The following PTDSS1 variants were observed in gnomAD, a reference collection of about 807,000 sequenced individuals.
PTDSS1 encodes the protein phosphatidylserine synthase 1.
PTDSS1 carries 45 observed loss-of-function variants against 70.5 expected under a neutral mutation model. That is an observed-to-expected ratio of 0.64 (90% confidence interval 0.50 to 0.82). The LOEUF (loss-of-function observed/expected upper bound fraction) is 0.82. Among genes scored for constraint, PTDSS1 ranks in the 40% least tolerant of loss-of-function variants. The probability of loss-of-function intolerance (pLI) is 0.00; values close to 1 mark genes in which losing one functional copy is unlikely to be tolerated. For synonymous variants in PTDSS1, 188 were observed against 203.8 expected (o/e 0.92, Z 0.66); for missense variants, 417 against 586.1 (o/e 0.71, Z 2.98).
intron 9 of PTDSS1, among the ~76,000 whole-genome samples, chr8:96,312,770 A>C (rs1811230754): frequency 1.3e-5 from 2 of 152,114 alleles, no homozygotes; most frequent in Non-Finnish European, 2.9e-5. Flanking sequence ...TGCACAGTCC[A>C]CTGCCAGCCA....
Position 96,304,100 on chromosome 8 carries a change from C to T in PTDSS1, c.813C>T (p.Ser271=), listed in dbSNP as rs993611391. Residue 271 remains serine, a synonymous_variant, in exon 7 of 13, where the codon AGC becomes AGT. Transcript: ENST00000517309. ...CTGTTCTGCAGTTCACTCCTGCTAG[C>T]TGGACCTATGTTCGATGGTTTGACC... ...KRAVLQFTPA[S]WTYVRWFDPK... is the part of the protein sequence containing the mutation. The T allele has an allele frequency of 1.9e-6, 3 of 1,613,554 alleles. No homozygotes were observed.
intron 6 of PTDSS1, among the ~76,000 whole-genome samples, chr8:96,300,868 CT>C (rs1352566541): frequency 2.6e-5 from 4 of 151,658 alleles, no homozygotes; most frequent in Admixed American, 1.3e-4. Flanking sequence ...TGTGCATCGC[CT>C]TTTTTTTGGT....
At chr8:96,281,135 A>G (rs1257310614) in intron 2 of PTDSS1, among the ~76,000 whole-genome samples, 1 of 152,218 alleles carries the variant, frequency 6.6e-6, no homozygotes, top group Non-Finnish European at 1.5e-5. Context: ...AGTGAGCGTA[A>G]GTATCAGGAC....
intron 2 of PTDSS1, among the ~76,000 whole-genome samples, chr8:96,282,228 C>T (rs950835171): frequency 6.6e-6 from 1 of 152,120 alleles, no homozygotes; most frequent in African/African-American, 2.4e-5. Context: ...AGAGCTATCG[C>T]CTACCATGAG....
chr8:96,309,951 C>T (rs1484697710), intron 9 of PTDSS1, among the ~76,000 whole-genome samples: 2 of 151,712 alleles, frequency 1.3e-5, no homozygotes, highest in African/African-American at 2.4e-5. Flanking sequence ...TCACTTGAGC[C>T]CAGGAATTCG....
At chr8:96,275,456 A>T (rs2130014829) in intron 2 of PTDSS1, among the ~76,000 whole-genome samples, 1 of 152,316 alleles carries the variant, frequency 6.6e-6, no homozygotes, top group South Asian at 2.1e-4. Context: ...ATTTACTGAA[A>T]AAAATCCCTG....
intron 10 of PTDSS1, among the ~76,000 whole-genome samples, chr8:96,320,698 C>T (rs926963320): frequency 1.3e-5 from 2 of 152,022 alleles, no homozygotes; most frequent in Non-Finnish European, 2.9e-5. Flanking sequence ...ATCATCATGC[C>T]GCATACATCT....
chr8:96,330,360 T>G (rs954379110), intron 11 of PTDSS1, 79 bp downstream of exon 11: 10 of 1,359,680 alleles, frequency 7.4e-6, no homozygotes, highest in Non-Finnish European at 9.3e-6. Context: ...AGCACGTGCC[T>G]GTAAGGATAT....
At chr8:96,265,201 A>G (rs545482213) in intron 1 of PTDSS1, among the ~76,000 whole-genome samples, 2 of 152,344 alleles carry the variant, frequency 1.3e-5, no homozygotes, top group Non-Finnish European at 2.9e-5. Flanking sequence ...TTTCAGTAAA[A>G]CTTAAAAGAT....
At chr8:96,291,952 C>T (rs1810913201) in intron 4 of PTDSS1, among the ~76,000 whole-genome samples, 1 of 151,904 alleles carries the variant, frequency 6.6e-6, no homozygotes, top group South Asian at 2.1e-4. Flanking sequence ...TAAGATGCAC[C>T]ATCAATTATA....
intron 9 of PTDSS1, among the ~76,000 whole-genome samples, chr8:96,318,540 T>A (rs1811328176): frequency 6.6e-6 from 1 of 152,196 alleles, no homozygotes; most frequent in Non-Finnish European, 1.5e-5. Context: ...AACATGTAAC[T>A]GCCACCTAGC....
chr8:96,262,263 GAAGAGGCGGGAGGGAGGGTGGCGGGGA>G lies in PTDSS1; in HGVS notation c.179+45_179+71del. 1 of 763,956 alleles carries G rather than the reference GAAGAGGCGGGAGGGAGGGTGGCGGGGA, an allele frequency of 1.3e-6. No homozygotes were observed. The allele number at this position is 763,956 out of a possible 1,614,324, so 47.3% of individuals were successfully genotyped here. ...GCGGGGGGCGCGTCCAAGGGCTAGGGAAGAGGCGGGAGGGAGGGTGGCGGGGAGGGGGGCCCGGCATGGCTCTGGGTG... is the reference window on the plus strand; with the variant it reads ...GCGGGGGGCGCGTCCAAGGGCTAGGGGGGGGGCCCGGCATGGCTCTGGGTG... On this transcript the variant is annotated intron_variant, in intron 1 of 12. Coordinates refer to ENST00000517309, the MANE Select transcript of PTDSS1 (RefSeq NM_014754.3). The surrounding 1 kb of genome is among the most constrained non-coding windows in gnomAD (Gnocchi z 4.4).
At chr8:96,303,993 C>T in intron 6 of PTDSS1, 47 bp from the exon 7 acceptor site, 1 of 1,552,758 alleles carries the variant, frequency 6.4e-7, no homozygotes, top group East Asian at 2.3e-5. Context: ...TTTGTTTTCC[C>T]CCTGCCTTAT....
At position 96,314,661 on chromosome 8, in the gene PTDSS1, ATCTCGGCTCACTGCAAGCTCCGCC is replaced by A. The variant is rs548676758; in HGVS notation, c.1073+5042_1073+5065del. On this transcript the variant is annotated intron_variant, in intron 9 of 12. Transcript: ENST00000517309. ...GCCCAGGCTGGAGTGCAGTGGTGCC[ATCTCGGCTCACTGCAAGCTCCGCC>A]TCCCGGGTTCATGCCGTTCTCCTGC... is the stretch of plus-strand genomic sequence containing the variant. Among the ~76,000 whole-genome samples the A allele has an allele frequency of 1.8e-3, 273 of 152,302 alleles. 6 individuals are homozygous for A. The highest frequency in any genetic ancestry group is 0.011 in the South Asian group (53 of 4,822).
chr8:96,314,702 T>G lies in PTDSS1; in HGVS notation c.1073+5080T>G, dbSNP rs912581249. ...AGCTCCGCCTCCCGGGTTCATGCCGTTCTCCTGCCTCAGCGTCCTGAGTAG... is the reference window on the plus strand; with the variant it reads ...AGCTCCGCCTCCCGGGTTCATGCCGGTCTCCTGCCTCAGCGTCCTGAGTAG... On this transcript the variant is annotated intron_variant, in intron 9 of 12. Coordinates refer to ENST00000517309, the MANE Select transcript of PTDSS1 (RefSeq NM_014754.3). Among the ~76,000 whole-genome samples, 3 of 152,310 alleles carry G rather than the reference T, an allele frequency of 2.0e-5. No individual in the cohort carries two copies. In the East Asian group the frequency reaches 5.8e-4, roughly 29 times the overall value.
rs867403431 is a variant in PTDSS1 at position 96,262,214 on chromosome 8, T to C, written c.174T>C (p.Phe58=). The change falls in exon 1 of 13, where the codon TTT becomes TTC. Residue 58 remains phenylalanine, a synonymous_variant. Coordinates refer to ENST00000517309, the MANE Select transcript of PTDSS1 (RefSeq NM_014754.3). The surrounding 1 kb of genome is among the most constrained non-coding windows in gnomAD (Gnocchi z 4.4). ...TCGTCAGCCTCATGTACTTCGCCTT[T>C]ACCAGGTGGGGCGGCCCAGCCGAGC... ...FTIVSLMYFA[F]TRDDSVPEDN... The C allele has an allele frequency of 7.1e-6, 11 of 1,540,860 alleles. No individual in the cohort carries two copies. The Middle Eastern group carries it at 7.0e-4, about 98-fold the overall frequency.
chr8:96,284,147 G>T lies in PTDSS1; in HGVS notation c.310G>T (p.Val104Phe). ...TRPHPALWRM[V>F]FGLSVLYFLF... ...ACCTCATCCAGCCTTATGGCGAATG[G>T]TTTTTGGTGAGTTTATATTAGCAAT... Residue 104 changes from valine (V) to phenylalanine (F), a missense_variant, in exon 3 of 13, where the codon GTT becomes TTT. Physicochemically the swap from Val to Phe is conservative, Grantham distance 50. Around this residue, in one of 3 missense-constraint regions of PTDSS1, gnomAD observed 272 missense variants for 429.5 expected, o/e 0.63. Coordinates refer to ENST00000517309, the MANE Select transcript of PTDSS1 (RefSeq NM_014754.3). The T allele has an allele frequency of 6.2e-7, 1 of 1,607,326 alleles. No homozygotes were observed. The highest frequency in any genetic ancestry group is 8.5e-7 in the Non-Finnish European group (1 of 1,174,634).
rs1811592028 is a variant in PTDSS1, at chr8:96,336,196, T to C, written c.*2630T>C. On this transcript the variant is annotated 3_prime_UTR_variant, in exon 13 of 13. Coordinates refer to ENST00000517309, the MANE Select transcript of PTDSS1 (RefSeq NM_014754.3). The stretch of plus-strand genomic sequence containing the variant: ...CTATCAATGCCAGTCTTATTTTCGC[T>C]AGGACTCTGCTTCCACAGTAAGCTC... 1 of 152,052 alleles carries C rather than the reference T, an allele frequency of 6.6e-6. No individual in the cohort carries two copies. Among genetic ancestry groups the C allele is most frequent in the Admixed American group, 6.5e-5 (1 of 15,284 alleles). The allele number at this position is 152,052 out of a possible 1,614,324, so 9.4% of individuals were successfully genotyped here. A position where few individuals can be genotyped will look rare whatever the true frequency, so the allele number is the denominator to read the frequency against.
intron 4 of PTDSS1, among the ~76,000 whole-genome samples, chr8:96,287,800 CT>C (rs1563568441): frequency 1.3e-5 from 2 of 152,156 alleles, no homozygotes; most frequent in Non-Finnish European, 2.9e-5. Context: ...TTGGCTTTTA[CT>C]GAAGAGACTA....
Sources: gnomAD v4.1 joint callset for allele counts (sites outside exome capture counted in the v4.1 genomes callset) on GRCh38, gnomAD v4.1.1 for gene constraint, gnomAD v4.1.1 regional missense constraint, Gnocchi (gnomAD v3.1) non-coding constraint, MANE v1.5 for transcripts, NCBI Gene and HGNC (gene_info 2026-07-23, HGNC 2026-07-21) for gene names.